Variants in FGD4 observed in about 807,000 individuals in gnomAD.
FGD4 encodes the protein FYVE, RhoGEF and PH domain-containing protein 4.
FGD4 carries 42 observed loss-of-function variants against 102.0 expected under a neutral mutation model. The observed-to-expected ratio is 0.41, with a 90% confidence interval of 0.32 to 0.53. The LOEUF (loss-of-function observed/expected upper bound fraction) is 0.53, where lower values mean the gene tolerates loss of function less well. Among genes scored for constraint, FGD4 ranks in the 20% least tolerant of loss-of-function variants. FGD4 has a pLI of 0.21. For synonymous variants in FGD4, 380 were observed against 375.7 expected, an observed-to-expected ratio of 1.01 and a Z score of -0.13; for missense variants, 902 against 1,078.2, an observed-to-expected ratio of 0.84 and a Z score of 2.29.
chr12:32,470,463 C>CTTTTTTTTTTTTTTT (rs551854980), intron 1 of FGD4, among the ~76,000 whole-genome samples: 3 of 130,836 alleles, frequency 2.3e-5, no homozygotes, highest in African/African-American at 5.6e-5. Context: ...TTTTCTTTTT[C>CTTTTTTTTTTTTTTT]TTTTTTTTTT....
At chr12:32,413,764 C>T (rs1941295571) in intron 1 of FGD4, among the ~76,000 whole-genome samples, 1 of 152,114 alleles carries the variant, frequency 6.6e-6, no homozygotes, top group Non-Finnish European at 1.5e-5. Context: ...TACTTCGGAC[C>T]ATGGTCACTT....
intron 4 of FGD4, among the ~76,000 whole-genome samples, chr12:32,595,118 A>G (rs1280001835): frequency 1.3e-5 from 2 of 152,020 alleles, no homozygotes; most frequent in Non-Finnish European, 2.9e-5. Flanking sequence ...TATGAAGGAC[A>G]GCATATTCCT....
chr12:32,459,196 T>C (rs907188305), intron 1 of FGD4, among the ~76,000 whole-genome samples: 3 of 149,298 alleles, frequency 2.0e-5, no homozygotes, highest in African/African-American at 7.4e-5. Context: ...CTGCTTTTTT[T>C]TTTTTTTTTT....
At chr12:32,474,132 G>T (rs1361912069) in intron 1 of FGD4, among the ~76,000 whole-genome samples, 2 of 151,878 alleles carry the variant, frequency 1.3e-5, no homozygotes, top group Non-Finnish European at 2.9e-5. Flanking sequence ...AGAAATCAGA[G>T]CCCTGACACA....
At chr12:32,402,268 C>T (rs1591832988) in intron 1 of FGD4, among the ~76,000 whole-genome samples, 1 of 151,576 alleles carries the variant, frequency 6.6e-6, no homozygotes, top group Non-Finnish European at 1.5e-5. Context: ...TTCAAAACCC[C>T]GTCTCTGCAA....
At chr12:32,486,084 A>G (rs1321247512) in intron 1 of FGD4, 2 of 1,521,296 alleles carry the variant, frequency 1.3e-6, no homozygotes, top group African/African-American at 1.4e-5. Context: ...CTCCAGAAGC[A>G]GGAAATAGGT....
chr12:32,639,189 G>C (rs1951021006), intron 16 of FGD4, among the ~76,000 whole-genome samples: 1 of 152,116 alleles, frequency 6.6e-6, no homozygotes, highest in Non-Finnish European at 1.5e-5. Context: ...TTGTGACAGA[G>C]TTTTGCTCAT....
At chr12:32,601,686 A>G (rs1275071991) in intron 6 of FGD4, among the ~76,000 whole-genome samples, 1 of 152,224 alleles carries the variant, frequency 6.6e-6, no homozygotes, top group Non-Finnish European at 1.5e-5. Context: ...GCATTCTGAT[A>G]GCCCCTTTAA....
chr12:32,593,159 AG>A (rs1330664268), intron 4 of FGD4, among the ~76,000 whole-genome samples: 1 of 152,330 alleles, frequency 6.6e-6, no homozygotes, highest in African/African-American at 2.4e-5. Context: ...TCTGTAAAAT[AG>A]AAATAATAAT....
At position 32,574,278 on chromosome 12, in the gene FGD4, T is replaced by G. The variant is rs77569765; in HGVS notation, c.320-1988T>G. On this transcript the variant is annotated intron_variant, in intron 2 of 16. Coordinates refer to ENST00000534526, the MANE Select transcript of FGD4 (RefSeq NM_001370298.3). The stretch of plus-strand genomic sequence containing the variant: ...ACAATTTTAGCACACAAAATTATAT[T>G]CACTTCCTTTAGTATTCTAGCTAAG... Among the ~76,000 whole-genome samples, 8 of 152,118 alleles carry G rather than the reference T, an allele frequency of 5.3e-5. No individual in the cohort carries two copies. In the East Asian group the frequency reaches 1.3e-3, roughly 26 times the overall value.
intron 1 of FGD4, among the ~76,000 whole-genome samples, chr12:32,532,569 CTT>C (rs936929128): frequency 7.0e-6 from 1 of 143,546 alleles, no homozygotes; most frequent in Non-Finnish European, 1.5e-5. Context: ...CACATGTTAG[CTT>C]TTTTTTTTTT....
At chr12:32,565,911 C>T (rs1945153493) in intron 2 of FGD4, among the ~76,000 whole-genome samples, 1 of 152,160 alleles carries the variant, frequency 6.6e-6, no homozygotes, top group African/African-American at 2.4e-5. Context: ...TACTTTCAGG[C>T]AGTGTTTGGC....
intron 1 of FGD4, among the ~76,000 whole-genome samples, chr12:32,470,427 CCTT>C (rs1943383555): frequency 6.6e-6 from 1 of 151,762 alleles, no homozygotes; most frequent in African/African-American, 2.4e-5. Flanking sequence ...CTTTCTTAAT[CCTT>C]CTGACTGCTT....
intron 1 of FGD4, among the ~76,000 whole-genome samples, chr12:32,402,115 G>A (rs1405494376): frequency 8.3e-6 from 1 of 120,740 alleles, no homozygotes; most frequent in Non-Finnish European, 1.6e-5. Context: ...TGTTGGCCAG[G>A]CATTTTTTTT....
intron 1 of FGD4, among the ~76,000 whole-genome samples, chr12:32,404,670 C>T (rs1199118388): frequency 6.6e-6 from 1 of 151,968 alleles, no homozygotes; most frequent in Non-Finnish European, 1.5e-5. Context: ...AACCATAGGT[C>T]ATTTGCATTC....
chr12:32,429,375 T>A, intron 1 of FGD4, among the ~76,000 whole-genome samples: 1 of 152,200 alleles, frequency 6.6e-6, no homozygotes, highest in East Asian at 1.9e-4. Flanking sequence ...CAGCAAAGAT[T>A]GCTCCCTCTT....
At chr12:32,422,288 CTTTTTTTTTTTTTTTTTTT>C (rs770560590) in intron 1 of FGD4, among the ~76,000 whole-genome samples, 2 of 54,154 alleles carry the variant, frequency 3.7e-5, no homozygotes, top group Admixed American at 2.6e-4. Context: ...TTGGGAGCTG[CTTTTTTTTTTTTTTTTTTT>C]TTTTTTTTTG....
intron 4 of FGD4, among the ~76,000 whole-genome samples, chr12:32,595,983 G>A (rs2036268): frequency 0.094 from 14,307 of 152,260 alleles, 888 homozygotes; most frequent in Middle Eastern, 0.15. Context: ...ATCTCATGTG[G>A]TGAACATAGT....
At chr12:32,560,375 C>T (rs1944440524) in intron 1 of FGD4, among the ~76,000 whole-genome samples, 1 of 152,120 alleles carries the variant, frequency 6.6e-6, no homozygotes, top group Admixed American at 6.5e-5. Context: ...CCTCGGCCTT[C>T]TAAGTAGCTG....
Sources: allele counts gnomAD v4.1 joint callset (sites outside exome capture counted in the v4.1 genomes callset), GRCh38; gene constraint gnomAD v4.1.1; transcripts MANE v1.5; gene names NCBI Gene and HGNC (gene_info 2026-07-23, HGNC 2026-07-21).